The following ATP9B variants were observed in gnomAD, a reference collection of about 807,000 sequenced individuals.
The protein encoded by ATP9B is probable phospholipid-transporting ATPase IIB.
A neutral mutation model predicts 146.1 loss-of-function variants in ATP9B; 110 were observed. The observed-to-expected ratio is 0.75, with a 90% confidence interval of 0.65 to 0.88. The LOEUF is 0.88. ATP9B is among the 40% of genes least tolerant of loss of function. The probability of loss-of-function intolerance (pLI) is 0.00; values close to 1 mark genes in which losing one functional copy is unlikely to be tolerated. For synonymous variants in ATP9B, 604 were observed against 569.7 expected (o/e 1.06, Z -0.86); for missense variants, 1,499 against 1,496.4 (o/e 1.00, Z -0.03).
chr18:79,310,153 C>G (rs377110057), intron 15 of ATP9B, among the ~76,000 whole-genome samples: 2 of 152,260 alleles, frequency 1.3e-5, no homozygotes, highest in South Asian at 2.1e-4. Context: ...GGTGATAATA[C>G]ATCTTGCAGC....
intron 8 of ATP9B, among the ~76,000 whole-genome samples, chr18:79,186,426 A>G (rs1450174296): frequency 6.6e-6 from 1 of 152,150 alleles, no homozygotes; most frequent in East Asian, 1.9e-4. Flanking sequence ...TTTGATGTCT[A>G]CTATACTAGA....
rs534652908 is a variant in ATP9B, at chr18:79,223,104, A to G, written c.1107+9066A>G. Among the ~76,000 whole-genome samples the G allele has an allele frequency of 3.3e-5, 5 of 152,324 alleles. No individual in the cohort carries two copies. In the South Asian group the frequency reaches 1.0e-3, roughly 32 times the overall value. On this transcript the variant is annotated intron_variant, in intron 11 of 29. Transcript: ENST00000426216. ...AGATGCTTTCAGATGTCTCATTGGC[A>G]GAGAGATAGGTGACATGAGCCATTA...
intron 1 of ATP9B, among the ~76,000 whole-genome samples, chr18:79,082,733 A>G (rs2073398854): frequency 6.6e-6 from 1 of 152,156 alleles, no homozygotes; most frequent in African/African-American, 2.4e-5. Flanking sequence ...TCACCAGCGG[A>G]GGTTGCAGAA....
intron 7 of ATP9B, among the ~76,000 whole-genome samples, chr18:79,157,806 A>C (rs2147695800): frequency 6.6e-6 from 1 of 152,232 alleles, no homozygotes; most frequent in South Asian, 2.1e-4. Context: ...AGTTGTTTTT[A>C]GGATTTCCTT....
chr18:79,303,563 C>T, intron 13 of ATP9B, 41 bp from the exon 14 acceptor site: 1 of 1,532,540 alleles, frequency 6.5e-7, no homozygotes, highest in Non-Finnish European at 9.0e-7. Flanking sequence ...TCCCGCAGGC[C>T]TCCTGCATTA....
intron 26 of ATP9B, chr18:79,372,602 T>G (rs1310725403): frequency 3.0e-6 from 2 of 660,654 alleles, no homozygotes; most frequent in Non-Finnish European, 5.6e-6. Context: ...CATGAACGTC[T>G]AACCTCAGGC....
At position 79,323,902 on chromosome 18, in the gene ATP9B, G is replaced by A. The variant is rs953036797; in HGVS notation, c.1774-5239G>A. 3.3e-5 allele frequency among the ~76,000 whole-genome samples: 5 copies of A among 152,194 alleles called. No individual in the cohort carries two copies. The East Asian group carries it at 5.8e-4, about 18-fold the overall frequency. On this transcript the variant is annotated intron_variant, in intron 15 of 29. Coordinates refer to ENST00000426216, the MANE Select transcript of ATP9B (RefSeq NM_198531.5). ...CATGCTGCTCTCCAGAGGGCTGCACGAATTTACATTCCCGACAACAGTGCT... is the reference window on the plus strand; with the variant it reads ...CATGCTGCTCTCCAGAGGGCTGCACAAATTTACATTCCCGACAACAGTGCT...
At chr18:79,122,230 A>G (rs2094201585) in intron 4 of ATP9B, among the ~76,000 whole-genome samples, 1 of 152,174 alleles carries the variant, frequency 6.6e-6, no homozygotes, top group East Asian at 1.9e-4. Flanking sequence ...AATCACTTTC[A>G]TTCTCTTATC....
intron 9 of ATP9B, among the ~76,000 whole-genome samples, chr18:79,200,388 T>C (rs1190876263): frequency 1.3e-5 from 2 of 152,208 alleles, no homozygotes; most frequent in Admixed American, 6.5e-5. Flanking sequence ...TTCTCAATAA[T>C]TGAACAAATG....
At chr18:79,234,717 G>T (rs2095825133) in intron 11 of ATP9B, among the ~76,000 whole-genome samples, 2 of 152,106 alleles carry the variant, frequency 1.3e-5, no homozygotes. Context: ...GCTTGCTGTG[G>T]GCTTGCTGCT....
chr18:79,092,692 G>A (rs2074442286), intron 1 of ATP9B, among the ~76,000 whole-genome samples: 2 of 122,168 alleles, frequency 1.6e-5, no homozygotes, highest in East Asian at 2.3e-4. Context: ...ACACATATTA[G>A]TCTAGGCCTA....
At chr18:79,371,442 T>C (rs1221434617) in intron 26 of ATP9B, among the ~76,000 whole-genome samples, 1 of 151,474 alleles carries the variant, frequency 6.6e-6, no homozygotes, top group Non-Finnish European at 1.5e-5. Flanking sequence ...AATCTTCCTT[T>C]TCATATTCAC....
intron 7 of ATP9B, among the ~76,000 whole-genome samples, chr18:79,162,847 G>A (rs1312549603): frequency 6.6e-6 from 1 of 152,074 alleles, no homozygotes; most frequent in African/African-American, 2.4e-5. Flanking sequence ...AATATTACAG[G>A]GTAACTTATT....
At chr18:79,127,361 G>A (rs564415822) in intron 5 of ATP9B, among the ~76,000 whole-genome samples, 1 of 151,824 alleles carries the variant, frequency 6.6e-6, no homozygotes, top group Non-Finnish European at 1.5e-5. Context: ...CGTTCTTGCT[G>A]TTTCCCTCCC....
At chr18:79,297,441 G>A (rs1003126472) in intron 13 of ATP9B, among the ~76,000 whole-genome samples, 4 of 152,318 alleles carry the variant, frequency 2.6e-5, no homozygotes, top group South Asian at 2.1e-4. Flanking sequence ...CTAGCAAGAC[G>A]CGGCCCGCCG....
At chr18:79,171,989 A>G (rs1403474809) in intron 7 of ATP9B, among the ~76,000 whole-genome samples, 2 of 152,106 alleles carry the variant, frequency 1.3e-5, no homozygotes, top group East Asian at 3.9e-4. Flanking sequence ...CCTGGGTTCA[A>G]GCAATTCTCC....
At chr18:79,162,513 T>A (rs1301236737) in intron 7 of ATP9B, among the ~76,000 whole-genome samples, 1 of 152,256 alleles carries the variant, frequency 6.6e-6, no homozygotes, top group Non-Finnish European at 1.5e-5. Flanking sequence ...TTCACTTGTC[T>A]CCTAAGTGAT....
At chr18:79,072,867 C>T (rs944422919) in intron 1 of ATP9B, among the ~76,000 whole-genome samples, 11 of 151,966 alleles carry the variant, frequency 7.2e-5, no homozygotes, top group Non-Finnish European at 1.3e-4. Context: ...CTCCTCAGTT[C>T]CCAGACAGGG....
chr18:79,182,716 C>G (rs1297338931), intron 8 of ATP9B, among the ~76,000 whole-genome samples: 1 of 152,170 alleles, frequency 6.6e-6, no homozygotes, highest in Non-Finnish European at 1.5e-5. Context: ...TATTAAGTTC[C>G]TTGTGGATGA....
Sources: gnomAD v4.1 joint callset for allele counts (sites outside exome capture counted in the v4.1 genomes callset) on GRCh38, gnomAD v4.1.1 for gene constraint, MANE v1.5 for transcripts, NCBI Gene and HGNC (gene_info 2026-07-23, HGNC 2026-07-21) for gene names.